Variants in RIMBP2 observed in about 807,000 individuals in gnomAD.
RIMBP2 encodes the protein RIMS-binding protein 2.
A neutral mutation model predicts 118.6 loss-of-function variants in RIMBP2; 48 were observed. The observed-to-expected ratio is 0.40, with a 90% CI of 0.32 to 0.51. RIMBP2 has a LOEUF of 0.51. RIMBP2 is among the 20% of genes least tolerant of loss of function. RIMBP2 has a pLI of 0.41. For synonymous variants in RIMBP2, 762 were observed against 742.9 expected, an observed-to-expected ratio of 1.03 and a Z score of -0.42; for missense variants, 1,551 against 1,768.3, an observed-to-expected ratio of 0.88 and a Z score of 2.20.
At chr12:130,701,473 T>TA (rs2065850454) in intron 1 of RIMBP2, among the ~76,000 whole-genome samples, 1 of 152,138 alleles carries the variant, frequency 6.6e-6, no homozygotes, top group Non-Finnish European at 1.5e-5. Flanking sequence ...CGACAGCCAG[T>TA]AGGTCCCATA....
intron 3 of RIMBP2, among the ~76,000 whole-genome samples, chr12:130,516,599 C>T (rs1412754648): frequency 2.0e-5 from 3 of 152,184 alleles, no homozygotes; most frequent in Non-Finnish European, 2.9e-5. Flanking sequence ...AGGAGGGACG[C>T]GTAACCTGAG....
chr12:130,542,823 G>A (rs1412238927), intron 2 of RIMBP2, among the ~76,000 whole-genome samples: 4 of 152,182 alleles, frequency 2.6e-5, no homozygotes, highest in Non-Finnish European at 4.4e-5. Flanking sequence ...CATTCTTTCT[G>A]TTGTAAATAG....
intron 1 of RIMBP2, among the ~76,000 whole-genome samples, chr12:130,687,300 T>C (rs1051091566): frequency 5.9e-5 from 9 of 152,192 alleles, no homozygotes; most frequent in African/African-American, 2.2e-4. Context: ...GATGTATAAG[T>C]AAATCATGTT....
chr12:130,557,368 G>A (rs2056451275), intron 2 of RIMBP2, among the ~76,000 whole-genome samples: 1 of 152,192 alleles, frequency 6.6e-6, no homozygotes, highest in Admixed American at 6.5e-5. Context: ...AGTTGCTCCA[G>A]CAGCCCAAGA....
At chr12:130,607,837 G>A (rs1174426125) in intron 2 of RIMBP2, among the ~76,000 whole-genome samples, 1 of 151,812 alleles carries the variant, frequency 6.6e-6, no homozygotes, top group Non-Finnish European at 1.5e-5. Flanking sequence ...AGCCGCTTAG[G>A]TTCTGTGTTG....
chr12:130,398,690 C>G (rs1304120318), intron 22 of RIMBP2: 1 of 152,588 alleles, frequency 6.6e-6, no homozygotes, highest in African/African-American at 2.4e-5. Context: ...ACTCGATCAC[C>G]TGTGTTCACT....
Position 130,648,073 on chromosome 12 carries a change from T to C in RIMBP2, c.-351-19617A>G, listed in dbSNP as rs568225911. ...ACGTGGTACAGAAAGCCAAAGGGCA[T>C]GTCAGGAGTCACGCGCTGATCATCA... On this transcript the variant is annotated intron_variant, in intron 1 of 22. Coordinates refer to ENST00000690449, the MANE Select transcript of RIMBP2 (RefSeq NM_001393629.1). Among the ~76,000 whole-genome samples, 5 of 129,302 alleles carry C rather than the reference T, an allele frequency of 3.9e-5. 1 individual carries two copies. Among genetic ancestry groups the C allele is most frequent in the Non-Finnish European group, 9.3e-5 (5 of 53,556 alleles). The allele number at this position is 129,302 out of a possible 152,430, so 84.8% of individuals were successfully genotyped here.
At chr12:130,451,135 G>A (rs1380650785) in intron 8 of RIMBP2, 60 bp downstream of exon 8, 42 of 1,569,654 alleles carry the variant, frequency 2.7e-5, no homozygotes, top group East Asian at 2.0e-4. Context: ...ACTGGCCAAC[G>A]TCCACACCAG....
At chr12:130,402,682 T>G (rs973499218) in intron 21 of RIMBP2, among the ~76,000 whole-genome samples, 2 of 152,214 alleles carry the variant, frequency 1.3e-5, no homozygotes, top group Non-Finnish European at 2.9e-5. Context: ...GGAGGCCTAA[T>G]GTCCAGACAG....
At chr12:130,411,235 G>A (rs986823672) in intron 19 of RIMBP2, among the ~76,000 whole-genome samples, 30 of 152,086 alleles carry the variant, frequency 2.0e-4, no homozygotes, top group Admixed American at 1.6e-3. Context: ...TTAGTTCTAG[G>A]AACTTTTTTA....
intron 4 of RIMBP2, among the ~76,000 whole-genome samples, chr12:130,497,790 G>GC (rs1566147774): frequency 6.6e-6 from 1 of 152,180 alleles, no homozygotes; most frequent in South Asian, 2.1e-4. Flanking sequence ...CTTCTGACAG[G>GC]CACCCTGCTT....
rs1389804701 is a variant in RIMBP2 at position 130,713,223 on chromosome 12, A to T, written c.-352+2999T>A. ...GAAGGAAGGAAGATAGGAAGGAAGGAAGGAAGGAAGGAAGGAAGGAAGGAA... is the reference window on the plus strand; with the variant it reads ...GAAGGAAGGAAGATAGGAAGGAAGGTAGGAAGGAAGGAAGGAAGGAAGGAA... On this transcript the variant is annotated intron_variant, in intron 1 of 22. Coordinates refer to ENST00000690449, the MANE Select transcript of RIMBP2 (RefSeq NM_001393629.1). Among the ~76,000 whole-genome samples, 36 of 109,022 alleles carry T rather than the reference A, an allele frequency of 3.3e-4. 2 individuals carry two copies. The highest frequency in any genetic ancestry group is 4.7e-4 in the African/African-American group (11 of 23,182). The allele number at this position is 109,022 out of a possible 152,430, so 71.5% of individuals were successfully genotyped here.
At chr12:130,517,795 C>A in intron 3 of RIMBP2, 33 bp downstream of exon 3, 1 of 934,336 alleles carries the variant, frequency 1.1e-6, no homozygotes, top group Non-Finnish European at 1.3e-6. Context: ...CCTCCAGGGC[C>A]CCAGATGGTC....
chr12:130,639,487 CAAAAAAAA>C (rs138670754), intron 1 of RIMBP2, among the ~76,000 whole-genome samples: 3 of 88,084 alleles, frequency 3.4e-5, no homozygotes, highest in Non-Finnish European at 6.3e-5. Context: ...GATCCTGCCT[CAAAAAAAA>C]AAAAAAAAAA....
intron 1 of RIMBP2, among the ~76,000 whole-genome samples, chr12:130,695,956 C>T (rs541521301): frequency 3.2e-4 from 49 of 151,896 alleles, no homozygotes; most frequent in Admixed American, 3.0e-3. Context: ...AATGAAGACC[C>T]CTGGAGGAGG....
chr12:130,427,990 G>T, intron 15 of RIMBP2, 189 bp downstream of exon 15: 1 of 552,276 alleles, frequency 1.8e-6, no homozygotes, highest in Non-Finnish European at 3.0e-6. Context: ...TTTTGGCCAA[G>T]AGCAAGACAG....
chr12:130,502,431 C>A, intron 4 of RIMBP2, among the ~76,000 whole-genome samples: 1 of 152,012 alleles, frequency 6.6e-6, no homozygotes, highest in East Asian at 1.9e-4. Flanking sequence ...TACTTCCCTG[C>A]CCCTCCCCAT....
intron 2 of RIMBP2, among the ~76,000 whole-genome samples, chr12:130,526,140 G>C (rs1479345528): frequency 6.6e-6 from 1 of 152,138 alleles, no homozygotes; most frequent in Non-Finnish European, 1.5e-5. Context: ...CCTTGCACTA[G>C]AGACTACAGA....
rs1372410892 is a variant in RIMBP2, at chr12:130,523,803, G to A, written c.-216-5886C>T. On this transcript the variant is annotated intron_variant, in intron 2 of 22. Transcript: ENST00000690449. This position sits in a 1 kb window ranked among gnomAD's most constrained non-coding sequence, Gnocchi z 4.4. ...GCAGCAGACAGCGCAGGGCATTCTG[G>A]GTTGAGATGTCAGGAACGCCAGTTG... Among the ~76,000 whole-genome samples, 1 of 152,172 alleles carries A rather than the reference G, an allele frequency of 6.6e-6. No homozygotes were observed. The highest frequency in any genetic ancestry group is 2.4e-5 in the African/African-American group (1 of 41,438).
Sources: allele counts gnomAD v4.1 joint callset (sites outside exome capture counted in the v4.1 genomes callset), GRCh38; gene constraint gnomAD v4.1.1; non-coding constraint Gnocchi (gnomAD v3.1); transcripts MANE v1.5; gene names NCBI Gene and HGNC (gene_info 2026-07-23, HGNC 2026-07-21).